MCM3AP: variants seen among roughly 807,000 people sequenced by gnomAD.
MCM3AP encodes germinal-center associated nuclear protein.
Under a neutral mutation model 184.1 loss-of-function variants are expected in MCM3AP, and 126 were observed. The ratio of observed to expected loss-of-function variants is 0.68; its 90% CI spans 0.59 to 0.79. The LOEUF (loss-of-function observed/expected upper bound fraction) is 0.79, where lower values mean the gene tolerates loss of function less well. Among genes scored for constraint, MCM3AP ranks in the 30% least tolerant of loss-of-function variants. The pLI, the probability that MCM3AP is intolerant of heterozygous loss-of-function variation, is 0.00. For missense variants in MCM3AP, 2,496 were observed against 2,479.2 expected, an observed-to-expected ratio of 1.01 and a Z score of -0.14; for synonymous variants, 1,002 against 979.3, an observed-to-expected ratio of 1.02 and a Z score of -0.43.
At chr21:46,279,874 G>T (rs949996868) in intron 4 of MCM3AP, 119 bp downstream of exon 4, 2 of 959,656 alleles carry the variant, frequency 2.1e-6, no homozygotes, top group South Asian at 2.0e-5. Context: ...ACCATCCCTA[G>T]CAACTGGCTT....
chr21:46,242,529 T>C (rs527620975), intron 25 of MCM3AP: 83 of 250,784 alleles, frequency 3.3e-4, no homozygotes, highest in African/African-American at 1.7e-3. Context: ...GGTACTGTGC[T>C]TTGGAACCAA....
rs148752994 is a variant in MCM3AP at position 46,283,653 on chromosome 21, G to A, written c.1405C>T (p.Arg469Cys). The change falls in exon 2 of 28, where the codon CGC becomes TGC. Residue 469 changes from arginine to cysteine, a missense_variant. By Grantham distance (180) the Arg-to-Cys change is radical. This residue lies in a region of MCM3AP where 800 missense variants were observed against 717.1 expected (regional missense o/e 1.12). Transcript: ENST00000291688. ...IAKVQRIFTR[R>C]SKKLAVVHFF... ...TGTACCACTGCAAGCTTTTTGCTGC[G>A]CCTGGTAAAGATGCGCTGCACTTTA... The A allele has an allele frequency of 3.5e-5, 57 of 1,613,772 alleles. No homozygotes were observed. The highest frequency in any genetic ancestry group is 3.3e-4 in the Middle Eastern group (2 of 6,084).
chr21:46,279,638 C>T (rs1276287746), intron 4 of MCM3AP, among the ~76,000 whole-genome samples: 1 of 152,186 alleles, frequency 6.6e-6, no homozygotes, highest in African/African-American at 2.4e-5. Context: ...AAGATGGAAA[C>T]AAGAAAAAAA....
chr21:46,278,813 A>G (rs2081286877), intron 4 of MCM3AP, among the ~76,000 whole-genome samples: 1 of 151,904 alleles, frequency 6.6e-6, no homozygotes, highest in African/African-American at 2.4e-5. Context: ...AGCTGGGACT[A>G]CAGGCACCTG....
chr21:46,284,332 C>G lies in MCM3AP; in HGVS notation c.955G>C (p.Asp319His), dbSNP rs1357000496. Reference protein sequence around the residue: ...AEDSDPLSRGDHPPDKRPVRL... With the variant: ...AEDSDPLSRGHHPPDKRPVRL... ...ACAGGTCGTTTGTCTGGAGGATGAT[C>G]GCCCCGGGACAGAGGATCCGAATCT... Residue 319 changes from aspartate to histidine, a missense_variant, in exon 1 of 28, where the codon GAT (aspartate) becomes CAT (histidine). Physicochemically the swap from Asp to His is moderately conservative, Grantham distance 81. Around this residue, in one of 5 missense-constraint regions of MCM3AP, gnomAD observed 800 missense variants for 717.1 expected, o/e 1.12. Coordinates refer to ENST00000291688, the MANE Select transcript of MCM3AP (RefSeq NM_003906.5). 1 of 1,614,176 alleles carries G rather than the reference C, an allele frequency of 6.2e-7. No homozygotes were observed. Among genetic ancestry groups the G allele is most frequent in the Non-Finnish European group, 8.5e-7 (1 of 1,180,032 alleles).
At position 46,272,620 on chromosome 21, in the gene MCM3AP, G is replaced by T. The variant is rs561932741; in HGVS notation, c.2406C>A (p.Ser802Arg). Residue 802 changes from serine to arginine, a missense_variant, in exon 8 of 28, where the codon AGC becomes AGA. Ser to Arg is a moderately radical substitution (Grantham distance 110, BLOSUM62 -1). This residue lies in a region of MCM3AP where 105 missense variants were observed against 97.1 expected (regional missense o/e 1.08). Coordinates refer to ENST00000291688, the MANE Select transcript of MCM3AP (RefSeq NM_003906.5). The part of the protein sequence containing the change: ...DLRNKGVFCA[S>R]EAEFQGYNVL... Reference sequence around the variant, plus strand: ...CATTGTAGCCCTGGAACTCCGCTTCGCTGGCACAGAAGACACCCTTGTTTC... The same window carrying T: ...CATTGTAGCCCTGGAACTCCGCTTCTCTGGCACAGAAGACACCCTTGTTTC... The T allele has an allele frequency of 1.2e-6, 2 of 1,614,146 alleles. No homozygotes were observed. Among genetic ancestry groups the T allele is most frequent in the South Asian group, 2.2e-5 (2 of 91,086 alleles).
chr21:46,285,685 G>C (rs1480963993), upstream of MCM3AP: 1 of 170,858 alleles, frequency 5.9e-6, no homozygotes, highest in Admixed American at 5.9e-5. Flanking sequence ...GTAAGAAAAT[G>C]AATGCTGTTC....
chr21:46,275,309 G>C lies in MCM3AP; in HGVS notation c.1875C>G (p.Thr625=), dbSNP rs145653489. The C allele has an allele frequency of 4.3e-6, 7 of 1,612,534 alleles. No individual in the cohort carries two copies. Among genetic ancestry groups the C allele is most frequent in the Non-Finnish European group, 5.9e-6 (7 of 1,179,530 alleles). ...RIMRQARVKR[T]DLDKARTFVG... ...CAAAAGTCCTCGCTTTGTCCAGATC[G>C]GTTCTCTTCACCCGAGCTAAATGAC... is the stretch of plus-strand genomic sequence containing the variant. The change falls in exon 6 of 28, where the codon ACC becomes ACG. Residue 625 remains threonine (T), a synonymous_variant. Transcript: ENST00000291688.
chr21:46,282,513 C>T (rs2081346212), intron 2 of MCM3AP, among the ~76,000 whole-genome samples: 1 of 152,042 alleles, frequency 6.6e-6, no homozygotes, highest in Non-Finnish European at 1.5e-5. Flanking sequence ...AAGTATTATG[C>T]ATACATTTAG....
At chr21:46,270,247 G>T in intron 9 of MCM3AP, 154 bp downstream of exon 9, 2 of 666,224 alleles carry the variant, frequency 3.0e-6, no homozygotes, top group Middle Eastern at 3.4e-4. Context: ...CTATAAAACA[G>T]GGCAACACCG....
At chr21:46,269,450 A>G (rs2081154107) in intron 9 of MCM3AP, among the ~76,000 whole-genome samples, 1 of 152,202 alleles carries the variant, frequency 6.6e-6, no homozygotes, top group South Asian at 2.1e-4. Context: ...AGTTGTGGAA[A>G]ACCTTTTCAT....
chr21:46,279,565 G>A (rs1040253315), intron 4 of MCM3AP, among the ~76,000 whole-genome samples: 1 of 152,246 alleles, frequency 6.6e-6, no homozygotes, highest in East Asian at 1.9e-4. Flanking sequence ...TCCTGTAGCT[G>A]CAGCTGAAAG....
At chr21:46,262,412 CT>C (rs2081051900) in intron 13 of MCM3AP, among the ~76,000 whole-genome samples, 1 of 152,274 alleles carries the variant, frequency 6.6e-6, no homozygotes, top group African/African-American at 2.4e-5. Flanking sequence ...TTTCAGGAGG[CT>C]GAGGTGGGAG....
At chr21:46,253,791 G>A (rs2080908255) in intron 19 of MCM3AP, 1 of 155,268 alleles carries the variant, frequency 6.4e-6, no homozygotes, top group Admixed American at 6.3e-5. Flanking sequence ...ATCTGGTTAA[G>A]TGTGTGGAAA....
intron 19 of MCM3AP, 44 bp from the exon 20 acceptor site, chr21:46,251,726 A>C (rs762901967): frequency 3.3e-6 from 4 of 1,219,542 alleles, no homozygotes; most frequent in Non-Finnish European, 4.7e-6. Flanking sequence ...ACACTTGAAG[A>C]ATCTAATTCT....
intron 8 of MCM3AP, among the ~76,000 whole-genome samples, chr21:46,270,917 T>C (rs2081170988): frequency 6.6e-6 from 1 of 152,208 alleles, no homozygotes; most frequent in South Asian, 2.1e-4. Context: ...TTGACAAAGG[T>C]TTCCTTCAAA....
rs140395002 is a variant in MCM3AP at position 46,265,402 on chromosome 21, C to G, written c.3153G>C (p.Pro1051=). The G allele has an allele frequency of 6.2e-7, 1 of 1,614,036 alleles. No individual in the cohort carries two copies. The highest frequency in any genetic ancestry group is 8.5e-7 in the Non-Finnish European group (1 of 1,180,000). ...VPLPPVLALT[P]SVAPSLFQLS... ...GCTGGAAGAGGCTGGGCGCCACAGA[C>G]GGGGTCAGTGCCAGGACAGGAGGCA... is the stretch of plus-strand genomic sequence containing the variant. Residue 1051 remains proline, a synonymous_variant, in exon 12 of 28, where the codon CCG becomes CCC. Coordinates refer to ENST00000291688, the MANE Select transcript of MCM3AP (RefSeq NM_003906.5).
chr21:46,255,134 G>A (rs2080930068), intron 17 of MCM3AP, among the ~76,000 whole-genome samples: 1 of 152,186 alleles, frequency 6.6e-6, no homozygotes, highest in African/African-American at 2.4e-5. Flanking sequence ...TCGGCACTGT[G>A]GGCAAATGCT....
chr21:46,260,641 G>A (rs553925169), intron 15 of MCM3AP, 152 bp downstream of exon 15: 5 of 608,840 alleles, frequency 8.2e-6, no homozygotes, highest in African/African-American at 7.4e-5. Context: ...GAGCACAGAG[G>A]ACTGCATCAA....
Sources: allele counts gnomAD v4.1 joint callset (sites outside exome capture counted in the v4.1 genomes callset), GRCh38; gene constraint gnomAD v4.1.1; regional missense constraint gnomAD v4.1.1; transcripts MANE v1.5; gene names NCBI Gene and HGNC (gene_info 2026-07-23, HGNC 2026-07-21).